The following MIPOL1 variants were observed in gnomAD, a reference collection of about 807,000 sequenced individuals.
The protein encoded by MIPOL1 is mirror-image polydactyly gene 1 protein.
A neutral mutation model predicts 60.9 loss-of-function variants in MIPOL1; 57 were observed. That is an observed-to-expected ratio of 0.94 (90% CI 0.76 to 1.17). MIPOL1 has a LOEUF of 1.17. MIPOL1 is among the 50% of genes most tolerant of loss of function. The probability of loss-of-function intolerance (pLI) is 0.00; values close to 1 mark genes in which losing one functional copy is unlikely to be tolerated. For missense variants in MIPOL1, 551 were observed against 511.6 expected, an observed-to-expected ratio of 1.08 and a Z score of -0.74; for synonymous variants, 179 against 168.8, an observed-to-expected ratio of 1.06 and a Z score of -0.47.
At chr14:37,431,882 G>T (rs1321617656) in intron 11 of MIPOL1, among the ~76,000 whole-genome samples, 1 of 151,950 alleles carries the variant, frequency 6.6e-6, no homozygotes, top group African/African-American at 2.4e-5. Context: ...ACTACGCCCG[G>T]CCCTGTTTCT....
rs576472572 is a variant in MIPOL1 at position 37,291,910 on chromosome 14, A to G, written c.623+6463A>G. Among the ~76,000 whole-genome samples the G allele has an allele frequency of 2.0e-5, 3 of 147,034 alleles. No homozygotes were observed. In the East Asian group the frequency reaches 6.0e-4, roughly 29 times the overall value. On this transcript the variant is annotated intron_variant, in intron 7 of 12. Transcript: ENST00000684589. ...TAATACTATTACATATTACAATGGC[A>G]ATAATTTTTTTTTTTTTTTTTTTTT...
At chr14:37,394,479 C>T (rs546859851) in intron 10 of MIPOL1, among the ~76,000 whole-genome samples, 1 of 152,054 alleles carries the variant, frequency 6.6e-6, no homozygotes, top group South Asian at 2.1e-4. Context: ...GGTGGTATTG[C>T]ATTGTGGTTT....
chr14:37,510,364 G>A (rs992446345), intron 12 of MIPOL1, among the ~76,000 whole-genome samples: 10 of 152,034 alleles, frequency 6.6e-5, no homozygotes, highest in Admixed American at 2.6e-4. Flanking sequence ...ACAGGCATGC[G>A]TCACCACACC....
At chr14:37,239,048 A>AT (rs569559063) in intron 1 of MIPOL1, among the ~76,000 whole-genome samples, 11,840 of 134,116 alleles carry the variant, frequency 0.088, 1,644 homozygotes, top group African/African-American at 0.29. Flanking sequence ...ACATTGCTTA[A>AT]TTTTTTTTTT....
chr14:37,254,894 TGTG>T (rs1974684426), intron 3 of MIPOL1, among the ~76,000 whole-genome samples: 1 of 151,782 alleles, frequency 6.6e-6, no homozygotes, highest in African/African-American at 2.4e-5. Context: ...TTGTAGAACT[TGTG>T]AGTCTGTTTC....
chr14:37,214,167 A>G (rs971496903), intron 1 of MIPOL1, among the ~76,000 whole-genome samples: 1 of 152,162 alleles, frequency 6.6e-6, no homozygotes, highest in African/African-American at 2.4e-5. Context: ...TAGACAGAAA[A>G]CCACAGAATA....
intron 3 of MIPOL1, among the ~76,000 whole-genome samples, chr14:37,255,365 A>G (rs1257728506): frequency 6.6e-6 from 1 of 151,806 alleles, no homozygotes; most frequent in Non-Finnish European, 1.5e-5. Context: ...CAGGTTGACT[A>G]TAGGGTAGGA....
In MIPOL1 at chr14:37,513,771, T is replaced by C. The variant is rs948100334; in HGVS notation, c.1262+13633T>C. ...GGCTTTTTGCATTTAATGTACTTCT[T>C]CATTTCAGAGGCTGTCTTCCAGTGA... On this transcript the variant is annotated intron_variant, in intron 12 of 12. Transcript: ENST00000684589. Among the ~76,000 whole-genome samples, 3 of 152,300 alleles carry C rather than the reference T, an allele frequency of 2.0e-5. No homozygotes were observed. The South Asian group carries it at 6.2e-4, about 32-fold the overall frequency.
chr14:37,227,434 G>T (rs1315589124), intron 1 of MIPOL1, among the ~76,000 whole-genome samples: 1 of 152,110 alleles, frequency 6.6e-6, no homozygotes, highest in Non-Finnish European at 1.5e-5. Context: ...AAATGGTGGT[G>T]CAGCAGAACA....
intron 7 of MIPOL1, among the ~76,000 whole-genome samples, chr14:37,304,152 T>C (rs2086581911): frequency 6.6e-6 from 1 of 151,746 alleles, no homozygotes; most frequent in African/African-American, 2.4e-5. Context: ...TATAAATTGT[T>C]CACATCTTTT....
chr14:37,210,192 A>C (rs75608490), intron 1 of MIPOL1, among the ~76,000 whole-genome samples: 2 of 152,148 alleles, frequency 1.3e-5, no homozygotes, highest in East Asian at 3.9e-4. Context: ...GTGGACACCA[A>C]CTGGATATCC....
intron 9 of MIPOL1, among the ~76,000 whole-genome samples, chr14:37,342,479 T>A (rs2090640404): frequency 6.6e-6 from 1 of 151,240 alleles, no homozygotes; most frequent in Admixed American, 6.6e-5. Flanking sequence ...CTCACTGCAA[T>A]CTCCACCTCC....
chr14:37,223,113 A>G (rs543591912), intron 1 of MIPOL1, among the ~76,000 whole-genome samples: 1 of 152,064 alleles, frequency 6.6e-6, no homozygotes, highest in Non-Finnish European at 1.5e-5. Flanking sequence ...GCTTACCGCA[A>G]ACTCCACCTC....
chr14:37,308,754 T>A (rs1379922825), intron 9 of MIPOL1, among the ~76,000 whole-genome samples: 1 of 152,116 alleles, frequency 6.6e-6, no homozygotes, highest in Non-Finnish European at 1.5e-5. Context: ...TTAATAAAAT[T>A]AAACTTGTTT....
chr14:37,251,164 A>G (rs1296592560), intron 3 of MIPOL1, among the ~76,000 whole-genome samples: 2 of 152,088 alleles, frequency 1.3e-5, no homozygotes, highest in Admixed American at 6.6e-5. Flanking sequence ...GGGCTCAAGC[A>G]GTCCTCCTTC....
chr14:37,540,568 T>C (rs1039939214), intron 12 of MIPOL1, among the ~76,000 whole-genome samples: 2 of 152,148 alleles, frequency 1.3e-5, no homozygotes, highest in African/African-American at 4.8e-5. Flanking sequence ...GCCGATCAAT[T>C]GCCTGTCCTC....
In MIPOL1 at chr14:37,549,832, C is replaced by G. The variant is rs2095557501; in HGVS notation, c.*2861C>G. On this transcript the variant is annotated 3_prime_UTR_variant, in exon 13 of 13. Transcript: ENST00000684589. Reference sequence around the variant, plus strand: ...ACTAATTAGGAATATTGTGACAATTCATTGCTAATAAAACATAACATGAGT... The same window carrying G: ...ACTAATTAGGAATATTGTGACAATTGATTGCTAATAAAACATAACATGAGT... The G allele has an allele frequency of 6.6e-6, 1 of 151,944 alleles. No individual in the cohort carries two copies. Among genetic ancestry groups the G allele is most frequent in the Non-Finnish European group, 1.5e-5 (1 of 67,864 alleles). 9.4% of individuals were successfully genotyped at this position (151,944 alleles called of 1,614,324 possible).
chr14:37,523,241 A>G (rs574347159), intron 12 of MIPOL1, among the ~76,000 whole-genome samples: 28 of 152,244 alleles, frequency 1.8e-4, no homozygotes, highest in African/African-American at 4.1e-4. Context: ...CCATACTTCT[A>G]TGATAAAACT....
intron 9 of MIPOL1, among the ~76,000 whole-genome samples, chr14:37,337,638 G>T (rs2090269390): frequency 6.6e-6 from 1 of 151,718 alleles, no homozygotes; most frequent in South Asian, 2.1e-4. Flanking sequence ...AAAGTGCTGG[G>T]ATTACAGGCG....
Sources: gnomAD v4.1 joint callset for allele counts (sites outside exome capture counted in the v4.1 genomes callset) on GRCh38, gnomAD v4.1.1 for gene constraint, MANE v1.5 for transcripts, NCBI Gene and HGNC (gene_info 2026-07-23, HGNC 2026-07-21) for gene names.